The following ATP6V0D2 variants were observed in gnomAD, a reference collection of about 807,000 sequenced individuals.
ATP6V0D2 encodes ATPase H+ transporting V0 subunit d2.
Under a neutral mutation model 40.0 loss-of-function variants are expected in ATP6V0D2, and 40 were observed. The ratio of observed to expected loss-of-function variants is 1.00; its 90% CI spans 0.78 to 1.30. ATP6V0D2 has a LOEUF of 1.30. Among genes scored for constraint, ATP6V0D2 ranks in the 50% most tolerant of loss-of-function variants. The pLI, the probability that ATP6V0D2 is intolerant of heterozygous loss-of-function variation, is 0.00. For missense variants in ATP6V0D2, 470 were observed against 423.1 expected, an observed-to-expected ratio of 1.11 and a Z score of -0.97; for synonymous variants, 179 against 156.3, an observed-to-expected ratio of 1.15 and a Z score of -1.08.
At chr8:86,152,617 C>A (rs940119266) in intron 7 of ATP6V0D2, among the ~76,000 whole-genome samples, 199 bp from the exon 8 acceptor site, 4 of 152,182 alleles carry the variant, frequency 2.6e-5, no homozygotes, top group Admixed American at 2.6e-4. Flanking sequence ...CTTCCGTTGT[C>A]TACATTTATC....
chr8:86,153,037 A>C lies in ATP6V0D2; in HGVS notation c.*60A>C. On this transcript the variant is annotated 3_prime_UTR_variant, in exon 8 of 8. Transcript: ENST00000285393. ...ATGTTAAAAGGAAGTTATTGAAGAA[A>C]ATAAAAGAAATTATGTTATATTATC... 7.2e-7 allele frequency: 1 copy of C among 1,394,546 alleles called. No homozygotes were observed. The highest frequency in any genetic ancestry group is 9.6e-7 in the Non-Finnish European group (1 of 1,043,898). The allele number at this position is 1,394,546 out of a possible 1,614,324, so 86.4% of individuals were successfully genotyped here. A position where few individuals can be genotyped will look rare whatever the true frequency, so the allele number is the denominator to read the frequency against.
intron 2 of ATP6V0D2, among the ~76,000 whole-genome samples, chr8:86,116,194 C>T (rs1487752942): frequency 6.6e-6 from 1 of 152,142 alleles, no homozygotes; most frequent in Non-Finnish European, 1.5e-5. Context: ...AGTTTCTCTT[C>T]CAAAAGTAAC....
chr8:86,150,658 A>G (rs1270084715), intron 6 of ATP6V0D2, among the ~76,000 whole-genome samples: 1 of 152,026 alleles, frequency 6.6e-6, no homozygotes, highest in Non-Finnish European at 1.5e-5. Flanking sequence ...TCAGGTACCC[A>G]CTAGGGAAAC....
intron 4 of ATP6V0D2, among the ~76,000 whole-genome samples, chr8:86,142,674 G>T (rs1450305557): frequency 6.6e-6 from 1 of 152,170 alleles, no homozygotes; most frequent in Non-Finnish European, 1.5e-5. Context: ...ATGCAGTTTT[G>T]TCCTTTTCTG....
intron 5 of ATP6V0D2, among the ~76,000 whole-genome samples, chr8:86,148,391 T>A (rs55815265): frequency 6.6e-6 from 1 of 152,044 alleles, no homozygotes; most frequent in African/African-American, 2.4e-5. Context: ...TGGAACTAAC[T>A]CTCACTCTCC....
At chr8:86,139,202 A>G (rs1245601835) in intron 2 of ATP6V0D2, among the ~76,000 whole-genome samples, 1 of 149,242 alleles carries the variant, frequency 6.7e-6, no homozygotes, top group Non-Finnish European at 1.5e-5. Flanking sequence ...CACTCCAGTC[A>G]GGGTGACAGA....
At chr8:86,121,486 C>T (rs1371355251) in intron 2 of ATP6V0D2, among the ~76,000 whole-genome samples, 1 of 152,078 alleles carries the variant, frequency 6.6e-6, no homozygotes, top group Non-Finnish European at 1.5e-5. Context: ...GTGAGAATTG[C>T]TTGAACCTGG....
chr8:86,112,962 C>T (rs762490605), intron 1 of ATP6V0D2, among the ~76,000 whole-genome samples: 27 of 152,126 alleles, frequency 1.8e-4, no homozygotes, highest in Admixed American at 6.5e-4. Flanking sequence ...TGAAACAGAG[C>T]ACCGATGGCT....
At position 86,126,900 on chromosome 8, in the gene ATP6V0D2, A is replaced by T. The variant is rs192924973; in HGVS notation, c.303-12557A>T. ...TTGTAGAGAATCTTAAATACTGAAG[A>T]GGTTTCTTAAAATTCCAGAGCAACC... On this transcript the variant is annotated intron_variant, in intron 2 of 7. Coordinates refer to ENST00000285393, the MANE Select transcript of ATP6V0D2 (RefSeq NM_152565.1). Among the ~76,000 whole-genome samples, 13 of 152,288 alleles carry T rather than the reference A, an allele frequency of 8.5e-5. No homozygotes were observed. The East Asian group carries it at 2.5e-3, about 29-fold the overall frequency.
intron 2 of ATP6V0D2, among the ~76,000 whole-genome samples, chr8:86,121,475 C>A (rs1041634641): frequency 1.3e-5 from 2 of 152,006 alleles, no homozygotes; most frequent in African/African-American, 4.8e-5. Context: ...GAGGCTGAGG[C>A]GTGAGAATTG....
intron 2 of ATP6V0D2, among the ~76,000 whole-genome samples, chr8:86,134,910 A>C (rs1163985842): frequency 6.6e-6 from 1 of 152,230 alleles, no homozygotes. Context: ...AACACTGAGC[A>C]GAGTTAAAAT....
intron 2 of ATP6V0D2, among the ~76,000 whole-genome samples, chr8:86,133,040 T>C (rs900165453): frequency 2.0e-5 from 3 of 152,196 alleles, no homozygotes; most frequent in African/African-American, 7.2e-5. Flanking sequence ...GGTAAGATGC[T>C]ATCTTATTGT....
intron 2 of ATP6V0D2, among the ~76,000 whole-genome samples, chr8:86,138,248 A>G (rs1056247216): frequency 1.3e-5 from 2 of 152,150 alleles, no homozygotes; most frequent in South Asian, 2.1e-4. Flanking sequence ...AGCTTCTACT[A>G]ATTCTTCAAG....
intron 1 of ATP6V0D2, among the ~76,000 whole-genome samples, chr8:86,113,474 T>A (rs1298887570): frequency 1.3e-5 from 2 of 152,138 alleles, no homozygotes; most frequent in African/African-American, 4.8e-5. Flanking sequence ...AGAGGGAGAC[T>A]CCCTCTCAAA....
At position 86,113,893 on chromosome 8, in the gene ATP6V0D2, A is replaced by C; in HGVS notation, c.302+13A>C. ...TCACCTATATGACGTAAGTGATGAC[A>C]GAAAGCCCTAATAAGCCCCAATGTA... On this transcript the variant is annotated intron_variant, in intron 2 of 7. Transcript: ENST00000285393. The C allele has an allele frequency of 6.2e-7, 1 of 1,604,698 alleles. No homozygotes were observed. The highest frequency in any genetic ancestry group is 8.5e-7 in the Non-Finnish European group (1 of 1,175,088).
intron 5 of ATP6V0D2, among the ~76,000 whole-genome samples, chr8:86,145,255 G>GAA (rs1409212612): frequency 6.4e-4 from 33 of 51,868 alleles, no homozygotes; most frequent in South Asian, 2.2e-3. Flanking sequence ...GAGAGAGAGA[G>GAA]AGAAAGAAAG....
At chr8:86,145,233 A>AAGAAAGAAAG (rs1554589869) in intron 5 of ATP6V0D2, among the ~76,000 whole-genome samples, 116 of 38,440 alleles carry the variant, frequency 3.0e-3, no homozygotes, top group Non-Finnish European at 3.2e-3. Context: ...GAAAGAAAGA[A>AAGAAAGAAAG]AGAGAGAGAG....
At chr8:86,107,124 C>A (rs935881648) in intron 1 of ATP6V0D2, among the ~76,000 whole-genome samples, 3 of 151,838 alleles carry the variant, frequency 2.0e-5, no homozygotes, top group Non-Finnish European at 4.4e-5. Context: ...ATTCAGAATC[C>A]AAAAATGGTT....
At chr8:86,132,558 A>G (rs1252783912) in intron 2 of ATP6V0D2, among the ~76,000 whole-genome samples, 1 of 152,056 alleles carries the variant, frequency 6.6e-6, no homozygotes, top group Non-Finnish European at 1.5e-5. Context: ...TTTAGTTCCC[A>G]CATATGAGTG....
Sources: gnomAD v4.1 joint callset for allele counts (sites outside exome capture counted in the v4.1 genomes callset) on GRCh38, gnomAD v4.1.1 for gene constraint, MANE v1.5 for transcripts, NCBI Gene and HGNC (gene_info 2026-07-23, HGNC 2026-07-21) for gene names.